UBE2H: variants seen among roughly 807,000 people sequenced by gnomAD.
UBE2H encodes ubiquitin-conjugating enzyme E2 H.
In UBE2H, 3 loss-of-function variants were observed where a neutral mutation model predicts 29.0. That is an observed-to-expected ratio of 0.10 (90% CI 0.05 to 0.27). The LOEUF is 0.27. UBE2H is among the 10% of genes least tolerant of loss of function. The pLI, the probability that UBE2H is intolerant of heterozygous loss-of-function variation, is 1.00. For missense variants in UBE2H, 68 were observed against 228.2 expected (o/e 0.30, Z 4.52); for synonymous variants, 69 against 82.9 (o/e 0.83, Z 0.91).
chr7:129,912,448 C>CT (rs1164821055), intron 1 of UBE2H, among the ~76,000 whole-genome samples: 1 of 151,954 alleles, frequency 6.6e-6, no homozygotes, highest in African/African-American at 2.4e-5. Context: ...AACTCCTGGG[C>CT]TTGGCGATCC....
At chr7:129,845,418 G>A (rs563678659) in intron 5 of UBE2H, among the ~76,000 whole-genome samples, 3 of 152,272 alleles carry the variant, frequency 2.0e-5, no homozygotes, top group East Asian at 1.9e-4. Context: ...CCATTTGCTC[G>A]TAGGTTCTTT....
intron 3 of UBE2H, among the ~76,000 whole-genome samples, chr7:129,875,351 TATCC>T (rs1806125940): frequency 6.6e-6 from 1 of 152,234 alleles, no homozygotes; most frequent in Admixed American, 6.5e-5. Flanking sequence ...TAAAACATTT[TATCC>T]ACTAAGATGC....
intron 4 of UBE2H, among the ~76,000 whole-genome samples, chr7:129,858,281 T>C (rs556878394): frequency 1.3e-5 from 2 of 152,228 alleles, no homozygotes; most frequent in Admixed American, 6.5e-5. Context: ...AGGGGCATGA[T>C]GTATGTATAT....
intron 1 of UBE2H, among the ~76,000 whole-genome samples, chr7:129,938,726 C>T (rs1217726527): frequency 5.3e-5 from 8 of 151,420 alleles, no homozygotes; most frequent in African/African-American, 1.7e-4. Flanking sequence ...AAAACAAAGC[C>T]GACCCAAACT....
chr7:129,846,888 A>G (rs1046276546), intron 5 of UBE2H, among the ~76,000 whole-genome samples: 2 of 152,222 alleles, frequency 1.3e-5, no homozygotes, highest in Non-Finnish European at 2.9e-5. Flanking sequence ...TTAAAAACAA[A>G]TAACAAAAAA....
At chr7:129,942,548 T>C (rs900198296) in intron 1 of UBE2H, among the ~76,000 whole-genome samples, 1 of 152,322 alleles carries the variant, frequency 6.6e-6, no homozygotes, top group South Asian at 2.1e-4. Flanking sequence ...TCTTATAGTC[T>C]GTTTCCCATT....
chr7:129,894,733 C>G (rs1806566523), intron 1 of UBE2H, among the ~76,000 whole-genome samples: 1 of 152,128 alleles, frequency 6.6e-6, no homozygotes, highest in South Asian at 2.1e-4. Context: ...AGGTGATCCA[C>G]TGGCCTCAGC....
At chr7:129,875,104 G>C in intron 3 of UBE2H, among the ~76,000 whole-genome samples, 1 of 152,096 alleles carries the variant, frequency 6.6e-6, no homozygotes, top group East Asian at 1.9e-4. Flanking sequence ...ACAGTCAAAA[G>C]ACATACATTT....
intron 1 of UBE2H, among the ~76,000 whole-genome samples, chr7:129,947,397 A>C (rs1409131095): frequency 6.6e-6 from 1 of 152,214 alleles, no homozygotes. Context: ...ACTGGAAATA[A>C]AGAGGCAAAC....
At chr7:129,946,426 A>G (rs917038546) in intron 1 of UBE2H, among the ~76,000 whole-genome samples, 19 of 152,186 alleles carry the variant, frequency 1.2e-4, no homozygotes, top group African/African-American at 4.6e-4. Flanking sequence ...GCAGACACAT[A>G]CAGTATGATC....
chr7:129,927,948 C>T (rs1807304901), intron 1 of UBE2H, among the ~76,000 whole-genome samples: 2 of 151,042 alleles, frequency 1.3e-5, no homozygotes, highest in Admixed American at 1.3e-4. Flanking sequence ...GTAATTCCAG[C>T]ACTTTGGGAG....
chr7:129,867,352 T>C (rs564055132), intron 3 of UBE2H, among the ~76,000 whole-genome samples: 2 of 146,324 alleles, frequency 1.4e-5, no homozygotes, highest in East Asian at 2.0e-4. Context: ...ATATACACCA[T>C]GGAATACTAT....
intron 1 of UBE2H, chr7:129,949,050 TTGCC>T (rs1451472105): frequency 4.4e-6 from 2 of 456,656 alleles, no homozygotes; most frequent in Non-Finnish European, 8.8e-6. Context: ...CTGCGGCCTT[TTGCC>T]TGCATACGCT....
intron 1 of UBE2H, among the ~76,000 whole-genome samples, chr7:129,897,622 T>C (rs1208159081): frequency 1.3e-5 from 2 of 152,196 alleles, no homozygotes; most frequent in Non-Finnish European, 2.9e-5. Flanking sequence ...TACAGATGGA[T>C]ACACTAGACA....
chr7:129,905,452 CAATT>C (rs572446955), intron 1 of UBE2H, among the ~76,000 whole-genome samples: 184 of 152,248 alleles, frequency 1.2e-3, no homozygotes, highest in African/African-American at 4.1e-3. Context: ...CACTGGTACA[CAATT>C]AAAATTATAT....
At chr7:129,878,030 T>C (rs569004679) in intron 3 of UBE2H, among the ~76,000 whole-genome samples, 1 of 152,192 alleles carries the variant, frequency 6.6e-6, no homozygotes, top group Admixed American at 6.5e-5. Context: ...CTATAAAGGC[T>C]TTAAAGTCCT....
At chr7:129,921,566 G>C (rs1006486620) in intron 1 of UBE2H, among the ~76,000 whole-genome samples, 4 of 151,904 alleles carry the variant, frequency 2.6e-5, no homozygotes, top group African/African-American at 9.7e-5. Flanking sequence ...AGGCATGGTG[G>C]CACACGTCTG....
intron 1 of UBE2H, among the ~76,000 whole-genome samples, chr7:129,925,844 C>T (rs943889148): frequency 1.3e-5 from 2 of 152,130 alleles, no homozygotes; most frequent in Non-Finnish European, 2.9e-5. Context: ...ATACACACTG[C>T]GGCAATCTGG....
chr7:129,884,566 A>G lies in UBE2H; in HGVS notation c.54-3595T>C, dbSNP rs549017498. On this transcript the variant is annotated intron_variant, in intron 1 of 6. Coordinates refer to ENST00000355621, the MANE Select transcript of UBE2H (RefSeq NM_003344.4). ...ATGGAAACGGTCTAAACATTTATCA[A>G]TAAGAAACTGGTTCAACGAATTACT... Among the ~76,000 whole-genome samples the G allele has an allele frequency of 5.9e-5, 9 of 152,180 alleles. No homozygotes were observed. In the South Asian group the frequency reaches 1.5e-3, roughly 25 times the overall value.
Sources: gnomAD v4.1 joint callset for allele counts (sites outside exome capture counted in the v4.1 genomes callset) on GRCh38, gnomAD v4.1.1 for gene constraint, MANE v1.5 for transcripts, NCBI Gene and HGNC (gene_info 2026-07-23, HGNC 2026-07-21) for gene names.